DCBLD1: variants seen among roughly 807,000 people sequenced by gnomAD.
The protein encoded by DCBLD1 is discoidin, CUB and LCCL domain-containing protein 1.
In DCBLD1, 57 loss-of-function variants were observed where a neutral mutation model predicts 71.5. The observed-to-expected ratio is 0.80, with a 90% CI of 0.64 to 0.99. DCBLD1 has a LOEUF of 0.99. Among genes scored for constraint, DCBLD1 ranks in the 50% least tolerant of loss-of-function variants. The pLI, the probability that DCBLD1 is intolerant of heterozygous loss-of-function variation, is 0.00. For missense variants in DCBLD1, 891 were observed against 923.5 expected (o/e 0.96, Z 0.46); for synonymous variants, 380 against 363.8 (o/e 1.04, Z -0.51).
At chr6:117,496,620 T>C (rs1341085863) in intron 1 of DCBLD1, among the ~76,000 whole-genome samples, 2 of 152,200 alleles carry the variant, frequency 1.3e-5, no homozygotes, top group Non-Finnish European at 2.9e-5. Flanking sequence ...ACATGGATGA[T>C]TGTATATGTG....
chr6:117,548,307 C>T lies in DCBLD1; in HGVS notation c.2016C>T (p.Ser672=), dbSNP rs752872103. ...GCTACGACCGGCCCAAAGCTGTCAG[C>T]GCCCTCGCCACCGAAAGCGGGCACC... ...DRGYDRPKAV[S]ALATESGHPD... The change falls in exon 15 of 15, where the codon AGC becomes AGT. Residue 672 remains serine, a synonymous_variant. Coordinates refer to ENST00000338728, the MANE Select transcript of DCBLD1 (RefSeq NM_001366458.2). 1.9e-6 allele frequency: 3 copies of T among 1,550,664 alleles called. No homozygotes were observed. In the South Asian group the frequency reaches 3.6e-5, roughly 18 times the overall value.
chr6:117,556,993 T>G (rs1223846301), intron 14 of DCBLD1, among the ~76,000 whole-genome samples: 4 of 152,184 alleles, frequency 2.6e-5, no homozygotes, highest in Admixed American at 2.0e-4. Flanking sequence ...TTTTTCATGT[T>G]TATCATCCAC....
At chr6:117,555,689 CCAAA>C (rs1562131334) in intron 14 of DCBLD1, among the ~76,000 whole-genome samples, 1 of 152,108 alleles carries the variant, frequency 6.6e-6, no homozygotes, top group Non-Finnish European at 1.5e-5. Context: ...TCCACTACAG[CCAAA>C]CAGTTTCTTG....
At chr6:117,501,873 C>T (rs1399833553) in intron 1 of DCBLD1, among the ~76,000 whole-genome samples, 1 of 152,158 alleles carries the variant, frequency 6.6e-6, no homozygotes. Flanking sequence ...TGGGCCCAAA[C>T]CTGCTCCCTC....
At chr6:117,501,727 G>A (rs942660844) in intron 1 of DCBLD1, among the ~76,000 whole-genome samples, 16 of 152,160 alleles carry the variant, frequency 1.1e-4, no homozygotes, top group Admixed American at 7.2e-4. Context: ...AAAGCCCCGT[G>A]CACTGTGTGC....
At chr6:117,566,958 T>A in intron 14 of DCBLD1, 2 of 1,611,220 alleles carry the variant, frequency 1.2e-6, no homozygotes, top group East Asian at 2.2e-5. Flanking sequence ...TCCACTCTCA[T>A]CTTCATACTC....
intron 5 of DCBLD1, among the ~76,000 whole-genome samples, chr6:117,526,559 G>A (rs1405994103): frequency 2.0e-5 from 3 of 152,150 alleles, no homozygotes; most frequent in Non-Finnish European, 4.4e-5. Context: ...TCCTGACAGA[G>A]CTATATTTTT....
chr6:117,496,612 A>G (rs9320605), intron 1 of DCBLD1, among the ~76,000 whole-genome samples: 9,450 of 152,284 alleles, frequency 0.062, 301 homozygotes, highest in Middle Eastern at 0.15. Context: ...ACACCCACAC[A>G]TGGATGATTG....
At chr6:117,491,268 G>A (rs1777282686) in intron 1 of DCBLD1, among the ~76,000 whole-genome samples, 1 of 152,144 alleles carries the variant, frequency 6.6e-6, no homozygotes, top group Non-Finnish European at 1.5e-5. Flanking sequence ...CTTCCATTCT[G>A]AGGATTTTAG....
chr6:117,501,554 G>C (rs887332048), intron 1 of DCBLD1, among the ~76,000 whole-genome samples: 2 of 152,072 alleles, frequency 1.3e-5, no homozygotes, highest in South Asian at 4.2e-4. Flanking sequence ...GGCTGGTCTC[G>C]AACTCCTGAC....
At chr6:117,532,508 C>A in intron 6 of DCBLD1, 115 bp downstream of exon 6, 1 of 1,344,232 alleles carries the variant, frequency 7.4e-7, no homozygotes, top group Non-Finnish European at 9.9e-7. Flanking sequence ...GGTTTGTCAA[C>A]TGGAAAAATA....
chr6:117,542,293 TA>T (rs369280303), intron 11 of DCBLD1, among the ~76,000 whole-genome samples: 12,237 of 139,888 alleles, frequency 0.087, 626 homozygotes, highest in Middle Eastern at 0.14. Flanking sequence ...CTCCATCTCT[TA>T]AAAAAAAAAA....
At chr6:117,529,698 C>G (rs1185548362) in intron 5 of DCBLD1, among the ~76,000 whole-genome samples, 2 of 151,974 alleles carry the variant, frequency 1.3e-5, no homozygotes, top group East Asian at 3.9e-4. Context: ...GAAAATAATC[C>G]TGGAAAATGC....
rs114350892 is a variant in DCBLD1, at chr6:117,548,528, G to A, written c.*89G>A. 3,743 of 1,515,326 alleles carry A rather than the reference G, an allele frequency of 2.5e-3. 74 individuals carry two copies. In the African/African-American group the frequency reaches 0.046, roughly 19 times the overall value. 93.9% of individuals were successfully genotyped at this position (1,515,326 alleles called of 1,614,324 possible). The stretch of plus-strand genomic sequence containing the variant: ...GGGAGCCTGCTGGTCCAGAGTGTGC[G>A]TGTGTATCGGTGTGTGTGTACACTT... On this transcript the variant is annotated 3_prime_UTR_variant, in exon 15 of 15. Coordinates refer to ENST00000338728, the MANE Select transcript of DCBLD1 (RefSeq NM_001366458.2).
At chr6:117,500,498 C>G (rs769592359) in intron 1 of DCBLD1, among the ~76,000 whole-genome samples, 2 of 152,146 alleles carry the variant, frequency 1.3e-5, no homozygotes, top group South Asian at 2.1e-4. Context: ...GCCAGCATTG[C>G]TGGGTGAAAG....
chr6:117,497,329 C>A (rs1777504987), intron 1 of DCBLD1, among the ~76,000 whole-genome samples: 1 of 152,176 alleles, frequency 6.6e-6, no homozygotes, highest in Admixed American at 6.5e-5. Flanking sequence ...TTAGTCCATA[C>A]CAGGTATATC....
downstream of DCBLD1, among the ~76,000 whole-genome samples, chr6:117,550,376 C>CT (rs1779408356): frequency 1.3e-5 from 2 of 152,152 alleles, no homozygotes; most frequent in African/African-American, 4.8e-5. Flanking sequence ...AATTTTACAT[C>CT]TTTCTTTTTT....
At chr6:117,544,673 T>C in intron 13 of DCBLD1, 96 bp downstream of exon 13, 1 of 1,398,754 alleles carries the variant, frequency 7.1e-7, no homozygotes, top group Non-Finnish European at 9.9e-7. Flanking sequence ...CCCACATTTA[T>C]TTGGTTAAAA....
chr6:117,548,766 C>G lies in DCBLD1; in HGVS notation c.*327C>G, dbSNP rs1779364471. On this transcript the variant is annotated 3_prime_UTR_variant, in exon 15 of 15. Transcript: ENST00000338728. ...GTAATGTGTACAGAGTTGTATTTAACAATAATAAAAGTAACTTAAGTTTGC... is the reference window on the plus strand; with the variant it reads ...GTAATGTGTACAGAGTTGTATTTAAGAATAATAAAAGTAACTTAAGTTTGC... 8.6e-7 allele frequency: 1 copy of G among 1,163,104 alleles called. No homozygotes were observed. Among genetic ancestry groups the G allele is most frequent in the Non-Finnish European group, 1.1e-6 (1 of 942,908 alleles). 72.0% of individuals were successfully genotyped at this position (1,163,104 alleles called of 1,614,324 possible). A position where few individuals can be genotyped will look rare whatever the true frequency, so the allele number is the denominator to read the frequency against.
Sources: allele counts gnomAD v4.1 joint callset (sites outside exome capture counted in the v4.1 genomes callset), GRCh38; gene constraint gnomAD v4.1.1; transcripts MANE v1.5; gene names NCBI Gene and HGNC (gene_info 2026-07-23, HGNC 2026-07-21).